Variants in MRPL22 observed in about 807,000 individuals in gnomAD.
MRPL22 encodes the protein mitochondrial ribosomal protein L22.
MRPL22 carries 27 observed loss-of-function variants against 32.4 expected under a neutral mutation model. The observed-to-expected ratio is 0.83, with a 90% CI of 0.61 to 1.15. MRPL22 has a LOEUF of 1.15. MRPL22 is among the 50% of genes most tolerant of loss of function. The pLI, the probability that MRPL22 is intolerant of heterozygous loss-of-function variation, is 0.00. For missense variants in MRPL22, 239 were observed against 260.2 expected (o/e 0.92, Z 0.56); for synonymous variants, 86 against 87.3 (o/e 0.99, Z 0.08).
chr5:154,941,681 T>A (rs778347474), intron 2 of MRPL22, among the ~76,000 whole-genome samples: 10 of 152,214 alleles, frequency 6.6e-5, no homozygotes, highest in Non-Finnish European at 1.5e-4. Flanking sequence ...CTCACTCTCA[T>A]AACATTCTAC....
chr5:154,963,367 G>T lies in MRPL22; in HGVS notation c.409+3318G>T, dbSNP rs1188152003. Among the ~76,000 whole-genome samples, 3 of 152,154 alleles carry T rather than the reference G, an allele frequency of 2.0e-5. No homozygotes were observed. The East Asian group carries it at 5.8e-4, about 29-fold the overall frequency. ...TTCAAAAAGTATTTGAGTACTTTCTGTGTGCATACTATCCACATTAAATAG... is the reference window on the plus strand; with the variant it reads ...TTCAAAAAGTATTTGAGTACTTTCTTTGTGCATACTATCCACATTAAATAG... On this transcript the variant is annotated intron_variant, in intron 6 of 6. Coordinates refer to ENST00000523037, the MANE Select transcript of MRPL22 (RefSeq NM_014180.4).
chr5:154,948,453 T>C (rs1449103181), intron 2 of MRPL22, among the ~76,000 whole-genome samples: 5 of 152,202 alleles, frequency 3.3e-5, no homozygotes, highest in South Asian at 2.1e-4. Flanking sequence ...TTGGAGACAA[T>C]TGGTTGTTTT....
In MRPL22 at chr5:154,948,497, G is replaced by A. The variant is rs866823621; in HGVS notation, c.78-2324G>A. 6.6e-5 allele frequency among the ~76,000 whole-genome samples: 10 copies of A among 152,192 alleles called. No individual in the cohort carries two copies. The South Asian group carries it at 1.0e-3, about 16-fold the overall frequency. On this transcript the variant is annotated intron_variant, in intron 2 of 6. Coordinates refer to ENST00000523037, the MANE Select transcript of MRPL22 (RefSeq NM_014180.4). ...TTCTATACCTTGGATTTTACCGAGT[G>A]CATCCCCATGATATTACGTAACATG... is the stretch of plus-strand genomic sequence containing the variant.
At chr5:154,953,362 GAAAAAAAAAAAA>G (rs573134537) in intron 3 of MRPL22, among the ~76,000 whole-genome samples, 218 of 69,272 alleles carry the variant, frequency 3.1e-3, no homozygotes, top group East Asian at 0.018. Context: ...CGTCTCAGGA[GAAAAAAAAAAAA>G]AAAAAAAAAA....
At position 154,966,940 on chromosome 5, in the gene MRPL22, T is replaced by C. The variant is rs1205888364; in HGVS notation, c.*43T>C. On this transcript the variant is annotated 3_prime_UTR_variant, in exon 7 of 7. Coordinates refer to ENST00000523037, the MANE Select transcript of MRPL22 (RefSeq NM_014180.4). ...CACAGTGTATATATTTTGCCATTTA[T>C]TTTCTAAAAATAAACAAAAATTGAA... 8 of 1,522,340 alleles carry C rather than the reference T, an allele frequency of 5.3e-6. No homozygotes were observed. Among genetic ancestry groups the C allele is most frequent in the Non-Finnish European group, 7.1e-6 (8 of 1,131,274 alleles). 94.3% of individuals were successfully genotyped at this position (1,522,340 alleles called of 1,614,324 possible).
At chr5:154,961,801 C>G (rs1359303687) in intron 6 of MRPL22, among the ~76,000 whole-genome samples, 1 of 152,032 alleles carries the variant, frequency 6.6e-6, no homozygotes, top group Non-Finnish European at 1.5e-5. Flanking sequence ...ATCTTCCTGC[C>G]CCAGCCTCCT....
intron 2 of MRPL22, among the ~76,000 whole-genome samples, chr5:154,943,590 A>G (rs1035151683): frequency 6.6e-6 from 1 of 151,870 alleles, no homozygotes; most frequent in Non-Finnish European, 1.5e-5. Flanking sequence ...ACACACATAT[A>G]TGCACATATA....
In MRPL22 at chr5:154,968,804, A is replaced by C. The variant is rs1196630433; in HGVS notation, c.*1907A>C. 6.6e-6 allele frequency: 1 copy of C among 152,228 alleles called. No individual in the cohort carries two copies. Among genetic ancestry groups the C allele is most frequent in the Non-Finnish European group, 1.5e-5 (1 of 68,038 alleles). The allele number at this position is 152,228 out of a possible 1,614,324, so 9.4% of individuals were successfully genotyped here. A position where few individuals can be genotyped will look rare whatever the true frequency, so the allele number is the denominator to read the frequency against. On this transcript the variant is annotated 3_prime_UTR_variant, in exon 7 of 7. Transcript: ENST00000523037. ...CTGCTTCAGTCAGGCTGTAAAAGCT[A>C]TTTTGAAAGTGGTAAGGAAAAAGTA...
At chr5:154,953,325 T>C (rs1764587718) in intron 3 of MRPL22, among the ~76,000 whole-genome samples, 1 of 132,906 alleles carries the variant, frequency 7.5e-6, no homozygotes, top group African/African-American at 2.9e-5. Context: ...ACTGCACTAC[T>C]TCAGCCTGGG....
In MRPL22 at chr5:154,965,711, C is replaced by T. The variant is rs768270149; in HGVS notation, c.410-975C>T. On this transcript the variant is annotated intron_variant, in intron 6 of 6. Transcript: ENST00000523037. ...TGCTGAGATTACAGGTGTGAGCCACCGCGCCTGGCCCTTACATGCTATTTA... is the reference window on the plus strand; with the variant it reads ...TGCTGAGATTACAGGTGTGAGCCACTGCGCCTGGCCCTTACATGCTATTTA... Among the ~76,000 whole-genome samples, 12 of 152,208 alleles carry T rather than the reference C, an allele frequency of 7.9e-5. No individual in the cohort carries two copies. The Middle Eastern group carries it at 0.01, about 130-fold the overall frequency.
chr5:154,951,074 T>A (rs1764554861), intron 3 of MRPL22, 136 bp downstream of exon 3: 1 of 641,054 alleles, frequency 1.6e-6, no homozygotes, highest in Non-Finnish European at 2.7e-6. Flanking sequence ...TGTACTAGAT[T>A]TATCTCTTCA....
intron 2 of MRPL22, among the ~76,000 whole-genome samples, chr5:154,946,549 C>A (rs1479147509): frequency 6.6e-6 from 1 of 151,246 alleles, no homozygotes; most frequent in Non-Finnish European, 1.5e-5. Flanking sequence ...TGTGGTGGCT[C>A]ACACCTGTAA....
At position 154,956,420 on chromosome 5, in the gene MRPL22, G is replaced by T. The variant is rs1393239896; in HGVS notation, c.245G>T (p.Trp82Leu). ...RQIKYSKDKMWYLAKLIRGMS... is the reference protein window; with the variant it reads ...RQIKYSKDKMLYLAKLIRGMS... ...ATAAAATATAGCAAAGACAAGATGTGGTATTTGGCAAAATTGGTAAGCTGC... is the reference window on the plus strand; with the variant it reads ...ATAAAATATAGCAAAGACAAGATGTTGTATTTGGCAAAATTGGTAAGCTGC... Residue 82 changes from tryptophan (W) to leucine (L), a missense_variant, in exon 4 of 7, where the codon TGG becomes TTG. By Grantham distance (61) the Trp-to-Leu change is moderately conservative (BLOSUM62 -2). Transcript: ENST00000523037. 3 of 1,608,364 alleles carry T rather than the reference G, an allele frequency of 1.9e-6. No individual in the cohort carries two copies. The South Asian group carries it at 3.3e-5, about 18-fold the overall frequency.
intron 6 of MRPL22, among the ~76,000 whole-genome samples, chr5:154,964,718 C>A (rs1162807315): frequency 6.6e-6 from 1 of 152,048 alleles, no homozygotes; most frequent in East Asian, 1.9e-4. Context: ...TTGTGCAGAT[C>A]TCTGTAAGTT....
At chr5:154,949,254 T>A (rs1481745667) in intron 2 of MRPL22, among the ~76,000 whole-genome samples, 1 of 152,204 alleles carries the variant, frequency 6.6e-6, no homozygotes, top group African/African-American at 2.4e-5. Context: ...AGTGGAGAGA[T>A]CTAGTACTTA....
chr5:154,945,904 A>G (rs1441967451), intron 2 of MRPL22, among the ~76,000 whole-genome samples: 1 of 152,140 alleles, frequency 6.6e-6, no homozygotes, highest in Non-Finnish European at 1.5e-5. Context: ...GGAACTTTTG[A>G]TTTGATATTC....
intron 4 of MRPL22, chr5:154,956,653 T>C: frequency 4.2e-6 from 2 of 473,288 alleles, no homozygotes; most frequent in South Asian, 6.9e-5. Flanking sequence ...GATAGATAGA[T>C]ACTAAAAGGC....
intron 6 of MRPL22, among the ~76,000 whole-genome samples, chr5:154,963,921 C>T (rs1227810549): frequency 4.6e-5 from 7 of 151,990 alleles, no homozygotes; most frequent in African/African-American, 1.7e-4. Flanking sequence ...AGTGGGGTGG[C>T]CATACATGCA....
At chr5:154,956,017 C>T (rs960842855) in intron 3 of MRPL22, 14 of 202,180 alleles carry the variant, frequency 6.9e-5, no homozygotes, top group African/African-American at 2.6e-4. Context: ...TAATAATGAA[C>T]GTTTTCTTGT....
Sources: gnomAD v4.1 joint callset for allele counts (sites outside exome capture counted in the v4.1 genomes callset) on GRCh38, gnomAD v4.1.1 for gene constraint, MANE v1.5 for transcripts, NCBI Gene and HGNC (gene_info 2026-07-23, HGNC 2026-07-21) for gene names.